Variants in SRRM3 observed in about 807,000 individuals in gnomAD.
SRRM3 encodes the protein serine/arginine repetitive matrix protein 3.
SRRM3 carries 27 observed loss-of-function variants against 66.2 expected under a neutral mutation model. The observed-to-expected ratio is 0.41, with a 90% confidence interval of 0.30 to 0.56. The LOEUF is 0.56. SRRM3 is among the 20% of genes least tolerant of loss of function. SRRM3 has a pLI of 0.32. For missense variants in SRRM3, 918 were observed against 991.9 expected, an observed-to-expected ratio of 0.93 and a Z score of 1.00; for synonymous variants, 391 against 414.9, an observed-to-expected ratio of 0.94 and a Z score of 0.70.
At chr7:76,270,838 C>T (rs535441764) in intron 11 of SRRM3, among the ~76,000 whole-genome samples, 1 of 150,194 alleles carries the variant, frequency 6.7e-6, no homozygotes, top group South Asian at 2.1e-4. Flanking sequence ...AATAGCCAGG[C>T]GTGGTGGGCA....
intron 3 of SRRM3, among the ~76,000 whole-genome samples, chr7:76,253,570 G>A (rs1554607228): frequency 6.7e-6 from 1 of 150,240 alleles, no homozygotes; most frequent in African/African-American, 2.5e-5. Context: ...GCAGTGAACC[G>A]AGATCGTGCC....
At chr7:76,257,274 AGC>A (rs1554607869) in intron 3 of SRRM3, among the ~76,000 whole-genome samples, 1 of 151,852 alleles carries the variant, frequency 6.6e-6, no homozygotes, top group African/African-American at 2.4e-5. Context: ...GGAAGGGGTG[AGC>A]CAGGTGGACA....
chr7:76,261,024 C>A, intron 6 of SRRM3, 121 bp downstream of exon 6: 3 of 1,079,768 alleles, frequency 2.8e-6, no homozygotes, highest in Non-Finnish European at 4.0e-6. Context: ...TGGACACTGC[C>A]AAGGTGCAAG....
At chr7:76,228,393 C>A (rs1246882519) in intron 1 of SRRM3, among the ~76,000 whole-genome samples, 2 of 152,082 alleles carry the variant, frequency 1.3e-5, no homozygotes, top group Non-Finnish European at 2.9e-5. Context: ...AGCCCCACTC[C>A]AGATCTATCA....
intron 11 of SRRM3, among the ~76,000 whole-genome samples, chr7:76,271,080 G>A (rs1212365337): frequency 6.6e-6 from 1 of 152,130 alleles, no homozygotes; most frequent in Admixed American, 6.6e-5. Flanking sequence ...AACCCCACAG[G>A]ACTTTCTGGG....
chr7:76,264,368 G>A (rs966371107), intron 8 of SRRM3, among the ~76,000 whole-genome samples: 1 of 149,940 alleles, frequency 6.7e-6, no homozygotes, highest in Non-Finnish European at 1.5e-5. Context: ...GTTTCTCCAT[G>A]TTGGTCAGGC....
chr7:76,261,200 G>A (rs1442214432), intron 6 of SRRM3, among the ~76,000 whole-genome samples, 152 bp from the exon 7 acceptor site: 1 of 151,930 alleles, frequency 6.6e-6, no homozygotes, highest in Non-Finnish European at 1.5e-5. Context: ...GACCCTTGGG[G>A]CCTCGGGTCA....
intron 3 of SRRM3, 136 bp downstream of exon 3, chr7:76,248,425 G>A (rs1012378848): frequency 2.0e-5 from 13 of 643,082 alleles, no homozygotes; most frequent in Non-Finnish European, 3.3e-5. Flanking sequence ...AAGATAAGGA[G>A]AAGGAGAGGA....
At chr7:76,255,148 C>CTTTCTTTCT (rs1447372520) in intron 3 of SRRM3, among the ~76,000 whole-genome samples, 4 of 83,178 alleles carry the variant, frequency 4.8e-5, no homozygotes, top group African/African-American at 2.5e-4. Flanking sequence ...TTCTTTCTTT[C>CTTTCTTTCT]TTTTTTTTTT....
At chr7:76,265,645 G>T (rs1554609435) in intron 10 of SRRM3, among the ~76,000 whole-genome samples, 177 bp downstream of exon 10, 1 of 150,984 alleles carries the variant, frequency 6.6e-6, no homozygotes, top group African/African-American at 2.4e-5. Context: ...CACTTTGGGA[G>T]GCCAAGGCAG....
chr7:76,227,008 G>C (rs1228762593), intron 1 of SRRM3, among the ~76,000 whole-genome samples: 1 of 152,142 alleles, frequency 6.6e-6, no homozygotes, highest in Non-Finnish European at 1.5e-5. Flanking sequence ...GAAGGGACTT[G>C]TTCATGGTCT....
intron 11 of SRRM3, 46 bp from the exon 12 acceptor site, chr7:76,281,395 T>C: frequency 8.4e-7 from 1 of 1,185,886 alleles, no homozygotes. Context: ...GTCTCTCTCG[T>C]CTCCCTCTCC....
At chr7:76,266,126 C>T (rs1802020718) in intron 10 of SRRM3, among the ~76,000 whole-genome samples, 1 of 65,964 alleles carries the variant, frequency 1.5e-5, no homozygotes, top group Non-Finnish European at 2.3e-5. Flanking sequence ...CCTCGGCCTC[C>T]CAAAGTGCTG....
chr7:76,229,780 A>G (rs555011550), intron 1 of SRRM3, among the ~76,000 whole-genome samples: 19 of 144,364 alleles, frequency 1.3e-4, no homozygotes, highest in African/African-American at 3.4e-4. Flanking sequence ...GTCTCGCTCA[A>G]TTGCCCAGGC....
chr7:76,222,543 G>T (rs1486250566), intron 1 of SRRM3, among the ~76,000 whole-genome samples: 2 of 150,896 alleles, frequency 1.3e-5, no homozygotes, highest in Non-Finnish European at 2.9e-5. Flanking sequence ...TGAGTCTGAA[G>T]GCCCTGGGGA....
intron 11 of SRRM3, among the ~76,000 whole-genome samples, chr7:76,271,988 A>G (rs1802225545): frequency 6.6e-6 from 1 of 152,172 alleles, no homozygotes; most frequent in Admixed American, 6.6e-5. Flanking sequence ...GGAAATAAAT[A>G]TCGAGGCACA....
At chr7:76,259,211 G>A (rs897684922) in intron 3 of SRRM3, among the ~76,000 whole-genome samples, 1 of 151,876 alleles carries the variant, frequency 6.6e-6, no homozygotes, top group Non-Finnish European at 1.5e-5. Context: ...CTGAGGGGGA[G>A]GGCTTCAATG....
At chr7:76,210,808 A>ATT (rs199914256) in intron 1 of SRRM3, among the ~76,000 whole-genome samples, 7 of 146,398 alleles carry the variant, frequency 4.8e-5, no homozygotes, top group African/African-American at 1.5e-4. Flanking sequence ...GCCCTGGATA[A>ATT]TTTTTTTTTT....
rs139923286 is a variant in SRRM3 at position 76,255,113 on chromosome 7, A to G, written c.336-4793A>G. On this transcript the variant is annotated intron_variant, in intron 3 of 14. Coordinates refer to ENST00000611745, the MANE Select transcript of SRRM3 (RefSeq NM_001110199.3). The stretch of plus-strand genomic sequence containing the variant: ...GCTACCCCTGTCATATTTGGGTAAC[A>G]TTATTTTTCCTTTTCTTTCTTTCTT... 2.8e-3 allele frequency among the ~76,000 whole-genome samples: 394 copies of G among 138,782 alleles called. 1 individual carries two copies. Among genetic ancestry groups the G allele is most frequent in the African/African-American group, 9.8e-3 (363 of 37,152 alleles). 91.0% of individuals were successfully genotyped at this position (138,782 alleles called of 152,430 possible).
Sources: allele counts gnomAD v4.1 joint callset (sites outside exome capture counted in the v4.1 genomes callset), GRCh38; gene constraint gnomAD v4.1.1; transcripts MANE v1.5; gene names NCBI Gene and HGNC (gene_info 2026-07-23, HGNC 2026-07-21).